Variants in RRP9 observed in about 807,000 individuals in gnomAD.
The protein encoded by RRP9 is U3 small nucleolar RNA-interacting protein 2.
In RRP9, 35 loss-of-function variants were observed where a neutral mutation model predicts 65.5. That is an observed-to-expected ratio of 0.53 (90% CI 0.41 to 0.71). The LOEUF is 0.71. Ranked by LOEUF, RRP9 falls within the 30% of genes least tolerant of loss-of-function variation. The probability of loss-of-function intolerance (pLI) is 0.00; values close to 1 mark genes in which losing one functional copy is unlikely to be tolerated. For synonymous variants in RRP9, 254 were observed against 245.0 expected (o/e 1.04, Z -0.34); for missense variants, 533 against 633.6 (o/e 0.84, Z 1.70).
chr3:51,941,350 T>C (rs1201281085), intron 2 of RRP9, 59 bp downstream of exon 2: 81 of 1,382,858 alleles, frequency 5.9e-5, no homozygotes, highest in Middle Eastern at 1.8e-4. Flanking sequence ...ACTCACTCAG[T>C]CTTCCGTGCA....
At position 51,934,422 on chromosome 3, in the gene RRP9, C is replaced by T. The variant is rs769860799; in HGVS notation, c.1260+50G>A. 1.9e-6 allele frequency: 3 copies of T among 1,565,180 alleles called. No individual in the cohort carries two copies. The Admixed American group carries it at 5.2e-5, about 27-fold the overall frequency. On this transcript the variant is annotated intron_variant, in intron 13 of 14. Transcript: ENST00000232888. This position sits in a 1 kb window ranked among gnomAD's most constrained non-coding sequence, Gnocchi z 4.1. ...GACCTTAAAGAGCTAACTCCAGGGG[C>T]CTAGGCAGTGTGGCAGAGACAGGCT...
chr3:51,936,987 A>G (rs1699466537), intron 6 of RRP9, among the ~76,000 whole-genome samples: 1 of 152,164 alleles, frequency 6.6e-6, no homozygotes, highest in Non-Finnish European at 1.5e-5. Context: ...ACTTTGCCCA[A>G]AGGTCTCTAG....
rs202135567 is a variant in RRP9, at chr3:51,933,545, T to C, written c.1389A>G (p.Pro463=). The C allele has an allele frequency of 1.2e-6, 2 of 1,613,562 alleles. No individual in the cohort carries two copies. The highest frequency in any genetic ancestry group is 2.2e-5 in the East Asian group (1 of 44,842). Residue 463 remains proline (P), a synonymous_variant, in exon 15 of 15, where the codon CCA becomes CCG. Transcript: ENST00000232888. ...KEARNSVCII[P]LRRVPVPPAA... The stretch of plus-strand genomic sequence containing the variant: ...CTGGGGGTACAGGGACCCTGCGGAG[T>C]GGGATGATGCAGACAGAATTCCGAG...
rs1486265931 is a variant in RRP9, at chr3:51,941,480, C to A, written c.99G>T (p.Ala33=). The A allele has an allele frequency of 5.6e-6, 9 of 1,614,140 alleles. No homozygotes were observed. The highest frequency in any genetic ancestry group is 7.6e-6 in the Non-Finnish European group (9 of 1,180,030). The change falls in exon 2 of 15, where the codon GCG becomes GCT. Residue 33 remains alanine (A), a synonymous_variant. Coordinates refer to ENST00000232888, the MANE Select transcript of RRP9 (RefSeq NM_004704.5). ...CACCCTTGGATTTGCCCCTGTCCCCCGCAGAGTCGGCCTGGGAATTATACG... is the reference window on the plus strand; with the variant it reads ...CACCCTTGGATTTGCCCCTGTCCCCAGCAGAGTCGGCCTGGGAATTATACG... ...AGKRRRKADS[A]GDRGKSKGGG...
At position 51,937,634 on chromosome 3, in the gene RRP9, C is replaced by T. The variant is rs1170704634; in HGVS notation, c.348+35G>A. 1.2e-6 allele frequency: 2 copies of T among 1,614,062 alleles called. No homozygotes were observed. The highest frequency in any genetic ancestry group is 1.7e-6 in the Non-Finnish European group (2 of 1,180,000). The stretch of plus-strand genomic sequence containing the variant: ...AGACCCTGGGAGCAGATCAGCTCCA[C>T]CCCCGTCCTCCCCCAACTCTCCCTC... On this transcript the variant is annotated intron_variant, in intron 4 of 14. Transcript: ENST00000232888. The surrounding 1 kb of genome is among the most constrained non-coding windows in gnomAD (Gnocchi z 5.0).
At position 51,933,724 on chromosome 3, in the gene RRP9, C is replaced by A; in HGVS notation, c.1318G>T (p.Val440Leu). ...CACACATACCTGTGCTCCTGCCCTA[C>A]CCCAGCCACCAGGAAGTCCCCAGAG... is the stretch of plus-strand genomic sequence containing the variant. Reference protein sequence around the residue: ...SSSGDFLVAGVGQEHRLGRWW... With the variant: ...SSSGDFLVAGLGQEHRLGRWW... The change falls in exon 14 of 15, where the codon GTA (valine) becomes TTA (leucine). Residue 440 changes from valine to leucine, a missense_variant. This residue lies in a region of RRP9 where 449 missense variants were observed against 550.6 expected (regional missense o/e 0.82). Coordinates refer to ENST00000232888, the MANE Select transcript of RRP9 (RefSeq NM_004704.5). 1 of 1,614,110 alleles carries A rather than the reference C, an allele frequency of 6.2e-7. No individual in the cohort carries two copies. The highest frequency in any genetic ancestry group is 8.5e-7 in the Non-Finnish European group (1 of 1,179,988).
rs774528219 is a variant in RRP9 at position 51,935,270 on chromosome 3, G to A, written c.972-11C>T. The A allele has an allele frequency of 6.8e-6, 11 of 1,614,080 alleles. No homozygotes were observed. Among genetic ancestry groups the A allele is most frequent in the East Asian group, 2.2e-5 (1 of 44,886 alleles). ...CAGTCGATGGAGCCCCTGGAGAAAG[G>A]GGCTGTGAGGAGCGTGGCCCAAGCC... On this transcript the variant is annotated splice_polypyrimidine_tract_variant and intron_variant, in intron 10 of 14. Transcript: ENST00000232888.
chr3:51,941,561 C>T (rs929533), intron 1 of RRP9, 70 bp from the exon 2 acceptor site: 305,779 of 1,387,700 alleles, frequency 0.22, 40,614 homozygotes, highest in Admixed American at 0.49. Context: ...GGGCCCCCCC[C>T]CCTCGGTTCC....
At chr3:51,935,554 C>T in intron 9 of RRP9, 38 bp downstream of exon 9, 1 of 1,613,580 alleles carries the variant, frequency 6.2e-7, no homozygotes, top group Non-Finnish European at 8.5e-7. Context: ...CACACCCTCT[C>T]TCACACCATC....
At position 51,937,106 on chromosome 3, in the gene RRP9, C is replaced by T. The variant is rs1001947692; in HGVS notation, c.517+86G>A. The T allele has an allele frequency of 2.6e-6, 4 of 1,534,340 alleles. No homozygotes were observed. Among genetic ancestry groups the T allele is most frequent in the Middle Eastern group, 2.4e-4 (1 of 4,212 alleles). On this transcript the variant is annotated intron_variant, in intron 6 of 14. Transcript: ENST00000232888. This position sits in a 1 kb window ranked among gnomAD's most constrained non-coding sequence, Gnocchi z 5.0. ...CCAGAGACTTCCCCACTTCAGGGCTCAGCCTGCCATGACCACTCCCACTCC... is the reference window on the plus strand; with the variant it reads ...CCAGAGACTTCCCCACTTCAGGGCTTAGCCTGCCATGACCACTCCCACTCC...
Position 51,938,184 on chromosome 3 carries a change from T to G in RRP9, c.191A>C (p.Glu64Ala). The G allele has an allele frequency of 6.4e-7, 1 of 1,573,950 alleles. No individual in the cohort carries two copies. The highest frequency in any genetic ancestry group is 1.1e-5 in the South Asian group (1 of 87,270). Residue 64 changes from glutamate (E) to alanine (A), a missense_variant, in exon 3 of 15, where the codon GAG becomes GCG. Around this residue, in one of 3 missense-constraint regions of RRP9, gnomAD observed 449 missense variants for 550.6 expected, o/e 0.82. Transcript: ENST00000232888. ...CTCCAGCTCCTCCTCCTCCTCCTCC[T>G]CAGGCTTCCTTGGAGCTAGGCTGTG... is the stretch of plus-strand genomic sequence containing the variant. ...ESESLAPRKP[E>A]EEEEEELEET...
At position 51,937,885 on chromosome 3, in the gene RRP9, T is replaced by C. The variant is rs1476019006; in HGVS notation, c.281-149A>G. On this transcript the variant is annotated intron_variant, in intron 3 of 14. Coordinates refer to ENST00000232888, the MANE Select transcript of RRP9 (RefSeq NM_004704.5). This position sits in a 1 kb window ranked among gnomAD's most constrained non-coding sequence, Gnocchi z 5.0. The stretch of plus-strand genomic sequence containing the variant: ...GAGGGCAAGCTGGAGGGTTTCCTCC[T>C]GCCTTTACTTATCAGATCAGCCCCC... 1 of 1,065,174 alleles carries C rather than the reference T, an allele frequency of 9.4e-7. No individual in the cohort carries two copies. The highest frequency in any genetic ancestry group is 1.4e-6 in the Non-Finnish European group (1 of 734,754). 66.0% of individuals were successfully genotyped at this position (1,065,174 alleles called of 1,614,324 possible).
In RRP9 at chr3:51,941,813, C is replaced by T. The variant is rs757804299; in HGVS notation, c.55G>A (p.Ala19Thr). The change falls in exon 1 of 15, where the codon GCT becomes ACT. Residue 19 changes from alanine to threonine, a missense_variant. Coordinates refer to ENST00000232888, the MANE Select transcript of RRP9 (RefSeq NM_004704.5). ...KRGKPASGAG[A>T]GAGAGKRRRK... ...CGCCGCTTGCCGGCCCCCGCGCCAGCCCCGGCCCCAGAGGCCGGCTTTCCC... is the reference window on the plus strand; with the variant it reads ...CGCCGCTTGCCGGCCCCCGCGCCAGTCCCGGCCCCAGAGGCCGGCTTTCCC... 3 of 1,578,770 alleles carry T rather than the reference C, an allele frequency of 1.9e-6. No homozygotes were observed. Among genetic ancestry groups the T allele is most frequent in the Admixed American group, 3.4e-5 (2 of 58,592 alleles).
intron 2 of RRP9, among the ~76,000 whole-genome samples, chr3:51,938,944 C>A (rs1312530677): frequency 6.6e-6 from 1 of 152,174 alleles, no homozygotes; most frequent in Non-Finnish European, 1.5e-5. Context: ...GGGGATTGGC[C>A]TTTACTGGTG....
rs1559743679 is a variant in RRP9 at position 51,936,445 on chromosome 3, CGGA to C, written c.625_627del (p.Ser209del). ...CCTGGCCTTACAAGGTACTTGCCGTCGGAGGAGATGGCCATGCAGAGGACGTGG... is the reference window on the plus strand; with the variant it reads ...CCTGGCCTTACAAGGTACTTGCCGTCGGAGATGGCCATGCAGAGGACGTGG... On this transcript the variant is annotated inframe_deletion, in exon 7 of 15. Coordinates refer to ENST00000232888, the MANE Select transcript of RRP9 (RefSeq NM_004704.5). The C allele has an allele frequency of 2.5e-6, 4 of 1,614,228 alleles. No homozygotes were observed. The highest frequency in any genetic ancestry group is 2.2e-5 in the East Asian group (1 of 44,876).
At chr3:51,933,857 TG>T in intron 13 of RRP9, 76 bp from the exon 14 acceptor site, 1 of 1,431,354 alleles carries the variant, frequency 7.0e-7, no homozygotes, top group South Asian at 1.1e-5. Context: ...AGTCAAGGGC[TG>T]GGCCTTATCA....
In RRP9 at chr3:51,938,240, C is replaced by T. The variant is rs1699481061; in HGVS notation, c.171-36G>A. On this transcript the variant is annotated intron_variant, in intron 2 of 14. Coordinates refer to ENST00000232888, the MANE Select transcript of RRP9 (RefSeq NM_004704.5). ...GAAGGGGCTGGGTCTGAGGGGCTCA[C>T]CTTGTTCCTCTGACCGCTAGGATCG... 1.1e-5 allele frequency: 16 copies of T among 1,463,878 alleles called. No individual in the cohort carries two copies. The South Asian group carries it at 1.1e-4, about 10-fold the overall frequency. The allele number at this position is 1,463,878 out of a possible 1,614,324, so 90.7% of individuals were successfully genotyped here. A position where few individuals can be genotyped will look rare whatever the true frequency, so the allele number is the denominator to read the frequency against.
At position 51,937,406 on chromosome 3, in the gene RRP9, C is replaced by T. The variant is rs969226013; in HGVS notation, c.391-88G>A. 6.2e-7 allele frequency: 1 copy of T among 1,604,732 alleles called. No homozygotes were observed. The highest frequency in any genetic ancestry group is 1.7e-4 in the Middle Eastern group (1 of 5,890). ...CACTGCGTAGTGTTGGCCTTTCCCA[C>T]CCAGGCCAGAAGGAAAACAAGACCC... is the stretch of plus-strand genomic sequence containing the variant. On this transcript the variant is annotated intron_variant, in intron 5 of 14. Coordinates refer to ENST00000232888, the MANE Select transcript of RRP9 (RefSeq NM_004704.5). The surrounding 1 kb of genome is among the most constrained non-coding windows in gnomAD (Gnocchi z 5.0).
chr3:51,935,251 A>T lies in RRP9; in HGVS notation c.980T>A (p.Ile327Asn). The T allele has an allele frequency of 1.9e-6, 3 of 1,614,172 alleles. No homozygotes were observed. The highest frequency in any genetic ancestry group is 2.5e-6 in the Non-Finnish European group (3 of 1,180,016). ...CTCATTGATTAGGTGGATGCAGTCG[A>T]TGGAGCCCCTGGAGAAAGGGGCTGT... Reference protein sequence around the residue: ...QLVFYGHQGSIDCIHLINEEH... With the variant: ...QLVFYGHQGSNDCIHLINEEH... The change falls in exon 11 of 15, where the codon ATC becomes AAC. Residue 327 changes from isoleucine (I) to asparagine (N), a missense_variant. Ile to Asn is a moderately radical substitution (Grantham distance 149, BLOSUM62 -3). Coordinates refer to ENST00000232888, the MANE Select transcript of RRP9 (RefSeq NM_004704.5).
Sources: allele counts gnomAD v4.1 joint callset (sites outside exome capture counted in the v4.1 genomes callset), GRCh38; gene constraint gnomAD v4.1.1; regional missense constraint gnomAD v4.1.1; non-coding constraint Gnocchi (gnomAD v3.1); transcripts MANE v1.5; gene names NCBI Gene and HGNC (gene_info 2026-07-23, HGNC 2026-07-21).